Variants in PARL observed in about 807,000 individuals in gnomAD.
The protein encoded by PARL is presenilin associated rhomboid like.
A neutral mutation model predicts 51.6 loss-of-function variants in PARL; 44 were observed. The observed-to-expected ratio is 0.85, with a 90% CI of 0.67 to 1.10. The LOEUF (loss-of-function observed/expected upper bound fraction) is 1.10, where lower values mean the gene tolerates loss of function less well. Ranked by LOEUF, PARL falls within the 50% of genes least tolerant of loss-of-function variation. PARL has a pLI of 0.00. For missense variants in PARL, 441 were observed against 469.5 expected (o/e 0.94, Z 0.56); for synonymous variants, 172 against 164.0 (o/e 1.05, Z -0.37).
intron 7 of PARL, among the ~76,000 whole-genome samples, chr3:183,834,770 G>A (rs546262264): frequency 6.6e-6 from 1 of 152,030 alleles, no homozygotes; most frequent in Non-Finnish European, 1.5e-5. Context: ...GCTGGGTGCA[G>A]TGGCTCTCGC....
rs1316852667 is a variant in PARL, at chr3:183,829,384, A to G, written c.*214T>C. On this transcript the variant is annotated 3_prime_UTR_variant, in exon 10 of 10. Coordinates refer to ENST00000317096, the MANE Select transcript of PARL (RefSeq NM_018622.7). ...GGCCCCTTAAAGAGAGAACACACAC[A>G]TCTGCTTACAAACTAGATAGAAACC... is the stretch of plus-strand genomic sequence containing the variant. 8 of 1,464,640 alleles carry G rather than the reference A, an allele frequency of 5.5e-6. No individual in the cohort carries two copies. The Admixed American group carries it at 1.7e-4, about 31-fold the overall frequency. The allele number at this position is 1,464,640 out of a possible 1,614,324, so 90.7% of individuals were successfully genotyped here.
At chr3:183,883,764 A>T (rs1734816101) in intron 1 of PARL, 1 of 896,716 alleles carries the variant, frequency 1.1e-6, no homozygotes, top group African/African-American at 1.8e-5. Flanking sequence ...CTTGTCGGAC[A>T]TATAGGTTCT....
Position 183,866,665 on chromosome 3 carries a change from T to C in PARL, c.422A>G (p.Asp141Gly), listed in dbSNP as rs1459618392. 2.5e-6 allele frequency: 4 copies of C among 1,612,196 alleles called. No individual in the cohort carries two copies. Among genetic ancestry groups the C allele is most frequent in the East Asian group, 4.5e-5 (2 of 44,830 alleles). Residue 141 changes from aspartate to glycine, a missense_variant, in exon 3 of 10, where the codon GAT (aspartate) becomes GGT (glycine). Physicochemically the swap from Asp to Gly is moderately conservative, Grantham distance 94. Transcript: ENST00000317096. ...TCCTTCTTTTTGTGGTCTTATGCTA[T>C]CCAACCAATCAGCTTTTATACCATC... ...YFDGIKADWL[D>G]SIRPQKEGDF...
At chr3:183,859,073 G>A (rs1364523301) in intron 4 of PARL, among the ~76,000 whole-genome samples, 1 of 152,068 alleles carries the variant, frequency 6.6e-6, no homozygotes, top group Non-Finnish European at 1.5e-5. Context: ...TTGGGAGGCC[G>A]AGGCGGTGGA....
intron 1 of PARL, among the ~76,000 whole-genome samples, chr3:183,868,585 C>G (rs1010676959): frequency 1.3e-5 from 2 of 152,096 alleles, no homozygotes; most frequent in South Asian, 2.1e-4. Context: ...ATTTTTGTAC[C>G]TTTTGTAGAG....
Position 183,859,229 on chromosome 3 carries a change from G to C in PARL, c.511+3524C>G, listed in dbSNP as rs575307105. On this transcript the variant is annotated intron_variant, in intron 4 of 9. Coordinates refer to ENST00000317096, the MANE Select transcript of PARL (RefSeq NM_018622.7). ...GAGGCAGAGCTTGCCCGTGAGCAGAGATCACGCCACTGCACTCCAGCCTGG... is the reference window on the plus strand; with the variant it reads ...GAGGCAGAGCTTGCCCGTGAGCAGACATCACGCCACTGCACTCCAGCCTGG... Among the ~76,000 whole-genome samples, 12 of 152,098 alleles carry C rather than the reference G, an allele frequency of 7.9e-5. No homozygotes were observed. In the South Asian group the frequency reaches 1.9e-3, roughly 24 times the overall value.
intron 4 of PARL, among the ~76,000 whole-genome samples, chr3:183,846,318 A>C (rs1729946471): frequency 6.6e-6 from 1 of 151,850 alleles, no homozygotes; most frequent in South Asian, 2.1e-4. Context: ...ACATGAAGAA[A>C]CCTCGTCTCT....
intron 1 of PARL, among the ~76,000 whole-genome samples, chr3:183,882,065 A>G (rs886296057): frequency 6.6e-6 from 1 of 151,062 alleles, no homozygotes; most frequent in Non-Finnish European, 1.5e-5. Flanking sequence ...GCTAGGCATC[A>G]TGGTGGTGCA....
intron 4 of PARL, among the ~76,000 whole-genome samples, chr3:183,853,806 T>C (rs767100538): frequency 1.9e-4 from 29 of 152,170 alleles, no homozygotes; most frequent in Non-Finnish European, 3.5e-4. Context: ...TTGGCAAGAA[T>C]GTGAGAAATT....
At chr3:183,863,261 T>C (rs962017091) in intron 3 of PARL, among the ~76,000 whole-genome samples, 16 of 151,944 alleles carry the variant, frequency 1.1e-4, no homozygotes, top group Non-Finnish European at 2.2e-4. Context: ...TGGAGTTTAA[T>C]AAAAAGAGGA....
chr3:183,859,599 A>C (rs1406545741), intron 4 of PARL, among the ~76,000 whole-genome samples: 1 of 152,140 alleles, frequency 6.6e-6, no homozygotes, highest in East Asian at 1.9e-4. Context: ...AAGTGCTCCC[A>C]AAGTGCTGGG....
At chr3:183,853,405 A>G (rs1300629368) in intron 4 of PARL, among the ~76,000 whole-genome samples, 1 of 152,100 alleles carries the variant, frequency 6.6e-6, no homozygotes, top group Non-Finnish European at 1.5e-5. Flanking sequence ...TCTACTAAAA[A>G]GTACAAAAAT....
chr3:183,846,635 C>T (rs1056630867), intron 4 of PARL: 3 of 985,184 alleles, frequency 3.0e-6, no homozygotes, highest in African/African-American at 3.5e-5. Context: ...AGACTGTAGC[C>T]AAAATCCCTT....
chr3:183,835,783 C>T (rs1213920064), intron 7 of PARL, among the ~76,000 whole-genome samples: 1 of 152,016 alleles, frequency 6.6e-6, no homozygotes, highest in Non-Finnish European at 1.5e-5. Flanking sequence ...TGTGGTGAGC[C>T]AAGATTGAGC....
In PARL at chr3:183,867,966, A is replaced by T; in HGVS notation, c.220T>A (p.Tyr74Asn). The T allele has an allele frequency of 1.9e-6, 3 of 1,613,736 alleles. No homozygotes were observed. Among genetic ancestry groups the T allele is most frequent in the Non-Finnish European group, 2.5e-6 (3 of 1,179,634 alleles). Residue 74 changes from tyrosine (Y) to asparagine (N), a missense_variant, in exon 2 of 10, where the codon TAC (tyrosine) becomes AAC (asparagine). By Grantham distance (143) the Tyr-to-Asn change is moderately radical. Coordinates refer to ENST00000317096, the MANE Select transcript of PARL (RefSeq NM_018622.7). ...RSDPGTSGEA[Y>N]KRSALIPPVE... Reference sequence around the variant, plus strand: ...GGAGGAATCAAAGCACTTCTCTTGTATGCTTCACCACTTGTCCCTGGGTCT... The same window carrying T: ...GGAGGAATCAAAGCACTTCTCTTGTTTGCTTCACCACTTGTCCCTGGGTCT...
intron 4 of PARL, among the ~76,000 whole-genome samples, chr3:183,857,047 A>G (rs1028932991): frequency 6.6e-6 from 1 of 152,224 alleles, no homozygotes; most frequent in Non-Finnish European, 1.5e-5. Flanking sequence ...ACTCATTTAC[A>G]TGGAATACCA....
At chr3:183,836,217 C>CAAA (rs56354792) in intron 7 of PARL, among the ~76,000 whole-genome samples, 8 of 84,250 alleles carry the variant, frequency 9.5e-5, no homozygotes, top group African/African-American at 1.6e-4. Context: ...AACTCCATCT[C>CAAA]AAAAAAAAAA....
chr3:183,864,422 T>C (rs190131439), intron 3 of PARL, among the ~76,000 whole-genome samples: 4 of 151,790 alleles, frequency 2.6e-5, no homozygotes, highest in African/African-American at 9.7e-5. Context: ...GAAAACCAAA[T>C]GGGCCTGAAA....
At chr3:183,867,664 C>T (rs1732676317) in intron 2 of PARL, among the ~76,000 whole-genome samples, 2 of 150,384 alleles carry the variant, frequency 1.3e-5, no homozygotes, top group Admixed American at 6.6e-5. Context: ...CGCGCCACTG[C>T]ACTCCAACCT....
Sources: allele counts gnomAD v4.1 joint callset (sites outside exome capture counted in the v4.1 genomes callset), GRCh38; gene constraint gnomAD v4.1.1; transcripts MANE v1.5; gene names NCBI Gene and HGNC (gene_info 2026-07-23, HGNC 2026-07-21).